The following LYSMD1 variants were observed in gnomAD, a reference collection of about 807,000 sequenced individuals.
The protein encoded by LYSMD1 is lysM and putative peptidoglycan-binding domain-containing protein 1.
Under a neutral mutation model 19.3 loss-of-function variants are expected in LYSMD1, and 9 were observed. The ratio of observed to expected loss-of-function variants is 0.47; its 90% CI spans 0.28 to 0.81. The LOEUF (loss-of-function observed/expected upper bound fraction) is 0.81. Ranked by LOEUF, LYSMD1 falls within the 40% of genes least tolerant of loss-of-function variation. The probability of loss-of-function intolerance (pLI) is 0.11; values close to 1 mark genes in which losing one functional copy is unlikely to be tolerated. For synonymous variants in LYSMD1, 111 were observed against 111.7 expected, an observed-to-expected ratio of 0.99 and a Z score of 0.04; for missense variants, 262 against 279.8, an observed-to-expected ratio of 0.94 and a Z score of 0.45.
At chr1:151,155,809 C>A (rs1683203803), downstream of LYSMD1, among the ~76,000 whole-genome samples, 1 of 151,992 alleles carries the variant, frequency 6.6e-6, no homozygotes, top group Non-Finnish European at 1.5e-5. Flanking sequence ...ACTACAGTAG[C>A]CTACTCAGTA....
Position 151,165,163 on chromosome 1 carries a change from G to A in LYSMD1, c.96C>T (p.Cys32=). ...RSYGSLVQSA[C]SPVRERRLEH... ...CCAGGCGTCTTTCCCTCACTGGGGA[G>A]CAGGCCGATTGCACCAGGCTTCCAT... Residue 32 remains cysteine, a synonymous_variant, in exon 1 of 3, where the codon TGC becomes TGT. Transcript: ENST00000368908. 6.2e-7 allele frequency: 1 copy of A among 1,614,192 alleles called. No homozygotes were observed. Among genetic ancestry groups the A allele is most frequent in the Non-Finnish European group, 8.5e-7 (1 of 1,180,026 alleles).
At chr1:151,164,942 A>G in intron 1 of LYSMD1, 137 bp downstream of exon 1, 1 of 722,888 alleles carries the variant, frequency 1.4e-6, no homozygotes, top group South Asian at 2.0e-5. Flanking sequence ...CTGTGATGGG[A>G]AAACAAAGAT....
chr1:151,161,836 T>C lies in LYSMD1; in HGVS notation c.445A>G (p.Ile149Val), dbSNP rs1305060518. Reference protein sequence around the residue: ...PTPGQETPTPIHDLSASDFLK... With the variant: ...PTPGQETPTPVHDLSASDFLK... ...AAATCAGAGGCAGAGAGGTCATGGATGGGCGTGGGGGTTTCCTGGCCAGGT... is the reference window on the plus strand; with the variant it reads ...AAATCAGAGGCAGAGAGGTCATGGACGGGCGTGGGGGTTTCCTGGCCAGGT... Residue 149 changes from isoleucine to valine, a missense_variant, in exon 2 of 3, where the codon ATC becomes GTC. Ile to Val is a conservative substitution (Grantham distance 29). Transcript: ENST00000368908. 6.2e-7 allele frequency: 1 copy of C among 1,613,656 alleles called. No individual in the cohort carries two copies. The highest frequency in any genetic ancestry group is 1.7e-5 in the Admixed American group (1 of 59,828).
downstream of LYSMD1, chr1:151,159,347 C>CT: frequency 7.9e-7 from 1 of 1,260,286 alleles, no homozygotes; most frequent in Non-Finnish European, 1.1e-6. Flanking sequence ...GGCACTAACA[C>CT]TTTTCAATCT....
Position 151,165,290 on chromosome 1 carries a change from C to A in LYSMD1, c.-32G>T, listed in dbSNP as rs1231345678. 6.3e-7 allele frequency: 1 copy of A among 1,599,536 alleles called. No homozygotes were observed. Among genetic ancestry groups the A allele is most frequent in the Non-Finnish European group, 8.5e-7 (1 of 1,171,556 alleles). The stretch of plus-strand genomic sequence containing the variant: ...ACCCTGCCAACAGCTAAGGTTGCAA[C>A]TAGGGGAGGTACGACCGAGACTGCG... On this transcript the variant is annotated 5_prime_UTR_variant, in exon 1 of 3. Transcript: ENST00000368908.
At chr1:151,162,881 C>T (rs587771139) in intron 1 of LYSMD1, among the ~76,000 whole-genome samples, 41 of 152,252 alleles carry the variant, frequency 2.7e-4, no homozygotes, top group African/African-American at 8.7e-4. Context: ...TGGCCTTCCT[C>T]GCTCTATTTC....
chr1:151,157,107 T>G (rs1683248796), downstream of LYSMD1, among the ~76,000 whole-genome samples: 1 of 151,862 alleles, frequency 6.6e-6, no homozygotes, highest in Admixed American at 6.6e-5. Flanking sequence ...GACAGCGGAA[T>G]AAATGTGAGA....
rs1236798272 is a variant in LYSMD1, at chr1:151,165,863, G to A, written c.-605C>T. ...ACGCCTCAGATCCGCCAAGATGCAA[G>A]GGCCTGGATCCAGTTGAGCGGCAAG... On this transcript the variant is annotated 5_prime_UTR_variant, in exon 1 of 3. Coordinates refer to ENST00000368908, the MANE Select transcript of LYSMD1 (RefSeq NM_212551.5). 4 of 1,203,262 alleles carry A rather than the reference G, an allele frequency of 3.3e-6. No individual in the cohort carries two copies. Among genetic ancestry groups the A allele is most frequent in the African/African-American group, 1.5e-5 (1 of 66,182 alleles). 74.5% of individuals were successfully genotyped at this position (1,203,262 alleles called of 1,614,324 possible).
chr1:151,155,036 A>G (rs1413667524), downstream of LYSMD1, among the ~76,000 whole-genome samples: 4 of 152,204 alleles, frequency 2.6e-5, no homozygotes, highest in African/African-American at 9.7e-5. Context: ...CTGGGATTAC[A>G]GTCATGAGCC....
chr1:151,161,013 C>G lies in LYSMD1; in HGVS notation c.553G>C (p.Gly185Arg). 6.2e-7 allele frequency: 1 copy of G among 1,613,816 alleles called. No individual in the cohort carries two copies. Among genetic ancestry groups the G allele is most frequent in the Non-Finnish European group, 8.5e-7 (1 of 1,179,758 alleles). ...CTCAGGTGGAGACCTGCATCCTCCC[C>G]AGGTACCCTGCAATTGAGGAAAGGG... ...KLKKGENGVPGEDAGLHLSSP... is the reference protein window; with the variant it reads ...KLKKGENGVPREDAGLHLSSP... The change falls in exon 3 of 3, where the codon GGG becomes CGG. Residue 185 changes from glycine (G) to arginine (R), a missense_variant. Transcript: ENST00000368908.
At chr1:151,163,878 T>TTGTGTGTGTG (rs57906452) in intron 1 of LYSMD1, among the ~76,000 whole-genome samples, 207 of 142,036 alleles carry the variant, frequency 1.5e-3, no homozygotes, top group African/African-American at 5.1e-3. Flanking sequence ...TTTCCTATCT[T>TTGTGTGTGTG]TGTGTGTGTG....
chr1:151,164,429 T>C (rs1425383750), intron 1 of LYSMD1, among the ~76,000 whole-genome samples: 2 of 152,184 alleles, frequency 1.3e-5, no homozygotes, highest in East Asian at 3.8e-4. Flanking sequence ...GGGGCAGGGA[T>C]AGGGGGAGTA....
At chr1:151,159,308 GA>G, downstream of LYSMD1, 1 of 1,529,780 alleles carries the variant, frequency 6.5e-7, no homozygotes, top group African/African-American at 1.4e-5. Flanking sequence ...AGAAAACACA[GA>G]TAATGGGCTT....
chr1:151,151,891 T>C, the LYSMD1 span, among the ~76,000 whole-genome samples: 1 of 149,352 alleles, frequency 6.7e-6, no homozygotes, highest in African/African-American at 2.5e-5. Flanking sequence ...ATCGCGCCAT[T>C]GCACTCTGGC....
In LYSMD1 at chr1:151,161,892, G is replaced by A; in HGVS notation, c.389C>T (p.Ala130Val). 1 of 1,614,092 alleles carries A rather than the reference G, an allele frequency of 6.2e-7. No individual in the cohort carries two copies. Among genetic ancestry groups the A allele is most frequent in the Non-Finnish European group, 8.5e-7 (1 of 1,180,006 alleles). Reference protein sequence around the residue: ...STERKKQETGAGRANGEVLPT... With the variant: ...STERKKQETGVGRANGEVLPT... ...GAGGACTTCACCATTGGCACGTCCT[G>A]CTCCTGTCTCTTGTTTCTTCCTCTC... Residue 130 changes from alanine to valine, a missense_variant, in exon 2 of 3, where the codon GCA becomes GTA. Physicochemically the swap from Ala to Val is moderately conservative, Grantham distance 64 (BLOSUM62 0). Transcript: ENST00000368908.
At position 151,160,764 on chromosome 1, in the gene LYSMD1, A is replaced by C. The variant is rs1429064567; in HGVS notation, c.*118T>G. 1 of 1,291,116 alleles carries C rather than the reference A, an allele frequency of 7.7e-7. No homozygotes were observed. Among genetic ancestry groups the C allele is most frequent in the Non-Finnish European group, 1.1e-6 (1 of 936,936 alleles). 80.0% of individuals were successfully genotyped at this position (1,291,116 alleles called of 1,614,324 possible). A position where few individuals can be genotyped will look rare whatever the true frequency, so the allele number is the denominator to read the frequency against. On this transcript the variant is annotated 3_prime_UTR_variant, in exon 3 of 3. Coordinates refer to ENST00000368908, the MANE Select transcript of LYSMD1 (RefSeq NM_212551.5). ...TTGGCAGACAAGGAGGCTGGGGAGG[A>C]TGGCTGGAGTGGAGGGAGGCAGGCT... is the stretch of plus-strand genomic sequence containing the variant.
chr1:151,161,126 T>A (rs1231159902), intron 2 of LYSMD1, 106 bp from the exon 3 acceptor site: 2 of 1,270,072 alleles, frequency 1.6e-6, no homozygotes, highest in East Asian at 4.7e-5. Flanking sequence ...ATAAGCTGGT[T>A]GCTTCAAGAC....
the LYSMD1 span, among the ~76,000 whole-genome samples, chr1:151,151,352 G>A: frequency 2.9e-5 from 4 of 137,468 alleles, no homozygotes; most frequent in Non-Finnish European, 6.1e-5. Flanking sequence ...ACCATGCCCA[G>A]CTAATTTTTT....
chr1:151,149,811 C>A, the LYSMD1 span, among the ~76,000 whole-genome samples: 1 of 152,192 alleles, frequency 6.6e-6, no homozygotes, highest in African/African-American at 2.4e-5. Context: ...TTCCAATCCC[C>A]AGGGAGATAT....
Sources: gnomAD v4.1 joint callset for allele counts (sites outside exome capture counted in the v4.1 genomes callset) on GRCh38, gnomAD v4.1.1 for gene constraint, MANE v1.5 for transcripts, NCBI Gene and HGNC (gene_info 2026-07-23, HGNC 2026-07-21) for gene names.